The following TIAM1 variants were observed in gnomAD, a reference collection of about 807,000 sequenced individuals.
TIAM1 encodes the protein TIAM Rac1 associated GEF 1.
A neutral mutation model predicts 163.5 loss-of-function variants in TIAM1; 65 were observed. The observed-to-expected ratio is 0.40, with a 90% CI of 0.33 to 0.49. The LOEUF is 0.49. TIAM1 is among the 20% of genes least tolerant of loss of function. The probability of loss-of-function intolerance (pLI) is 0.77; values close to 1 mark genes in which losing one functional copy is unlikely to be tolerated. For missense variants in TIAM1, 1,789 were observed against 2,044.7 expected, an observed-to-expected ratio of 0.87 and a Z score of 2.41; for synonymous variants, 833 against 810.1, an observed-to-expected ratio of 1.03 and a Z score of -0.48.
intron 2 of TIAM1, among the ~76,000 whole-genome samples, chr21:31,442,893 C>T (rs1005423883): frequency 2.6e-5 from 4 of 152,216 alleles, no homozygotes; most frequent in African/African-American, 9.6e-5. Context: ...TGCACCAGGT[C>T]ACATATGCAA....
In TIAM1 at chr21:31,130,230, C is replaced by T. The variant is rs762661179; in HGVS notation, c.4028G>A (p.Arg1343Gln). Reference protein sequence around the residue: ...HMIPTEALQVRALASADAEAN... With the variant: ...HMIPTEALQVQALASADAEAN... ...GAGTTTACCTGCACTCGCCAAAGCT[C>T]GAACCTGCAGCGCTTCCGTGGGGAT... Residue 1343 changes from arginine (R) to glutamine (Q), a missense_variant, in exon 25 of 28, where the codon CGA (arginine) becomes CAA (glutamine). Physicochemically the swap from Arg to Gln is conservative, Grantham distance 43 (BLOSUM62 1). This residue lies in a region of TIAM1 where 415 missense variants were observed against 439.2 expected (regional missense o/e 0.94). Transcript: ENST00000541036. 6.2e-6 allele frequency: 10 copies of T among 1,613,932 alleles called. No individual in the cohort carries two copies. The highest frequency in any genetic ancestry group is 3.3e-5 in the South Asian group (3 of 91,074).
intron 2 of TIAM1, among the ~76,000 whole-genome samples, chr21:31,338,213 A>G (rs780419541): frequency 1.3e-5 from 2 of 152,218 alleles, no homozygotes; most frequent in East Asian, 1.9e-4. Flanking sequence ...GGAACAAGTC[A>G]CGGCAAGATC....
intron 1 of TIAM1, among the ~76,000 whole-genome samples, chr21:31,504,828 G>T (rs1381746948): frequency 6.6e-6 from 1 of 151,946 alleles, no homozygotes; most frequent in Non-Finnish European, 1.5e-5. Flanking sequence ...CTAAAAAAAA[G>T]AAAAAACTTC....
intron 27 of TIAM1, among the ~76,000 whole-genome samples, chr21:31,121,873 G>A (rs1007104598): frequency 2.0e-5 from 3 of 152,154 alleles, no homozygotes; most frequent in Non-Finnish European, 2.9e-5. Flanking sequence ...CTTCTCCCTC[G>A]AGAGTGAAGC....
In TIAM1 at chr21:31,147,787, A is replaced by AATATATAT. The variant is rs373598678; in HGVS notation, c.3367-792_3367-785dup. 1.4e-3 allele frequency among the ~76,000 whole-genome samples: 189 copies of AATATATAT among 139,844 alleles called. 1 individual carries two copies. The highest frequency in any genetic ancestry group is 3.7e-3 in the Middle Eastern group (1 of 270). 91.7% of individuals were successfully genotyped at this position (139,844 alleles called of 152,430 possible). On this transcript the variant is annotated intron_variant, in intron 19 of 27. Coordinates refer to ENST00000541036, the MANE Select transcript of TIAM1 (RefSeq NM_001353694.2). ...ATATTATATTAATATATTATATTAAAATATATATATATATATATGGCCTCA... is the reference window on the plus strand; with the variant it reads ...ATATTATATTAATATATTATATTAAAATATATATATATATATATATATATATGGCCTCA...
intron 1 of TIAM1, among the ~76,000 whole-genome samples, chr21:31,537,953 A>G (rs1377238473): frequency 6.6e-6 from 1 of 152,214 alleles, no homozygotes; most frequent in Non-Finnish European, 1.5e-5. Context: ...TTACAAATGG[A>G]TGAATCTCAC....
chr21:31,252,960 C>A (rs1365633092), intron 4 of TIAM1, among the ~76,000 whole-genome samples: 5 of 152,246 alleles, frequency 3.3e-5, no homozygotes, highest in Non-Finnish European at 7.3e-5. Flanking sequence ...GGCCAAATGA[C>A]AGCTCGGGGC....
intron 2 of TIAM1, among the ~76,000 whole-genome samples, chr21:31,411,703 T>C (rs2147241259): frequency 6.6e-6 from 1 of 152,254 alleles, no homozygotes; most frequent in African/African-American, 2.4e-5. Context: ...CTCAAACTCC[T>C]GGCCTCAAGT....
At chr21:31,290,540 T>C (rs1468554847) in intron 2 of TIAM1, among the ~76,000 whole-genome samples, 1 of 149,844 alleles carries the variant, frequency 6.7e-6, no homozygotes, top group Non-Finnish European at 1.5e-5. Context: ...CCAGCTACTC[T>C]GGAGGCTGAG....
chr21:31,152,350 T>C (rs529741662), intron 19 of TIAM1, among the ~76,000 whole-genome samples: 1 of 152,314 alleles, frequency 6.6e-6, no homozygotes, highest in East Asian at 1.9e-4. Context: ...CCTATTCTAA[T>C]TCACTGATAG....
chr21:31,131,690 T>A (rs1157680909), intron 23 of TIAM1, among the ~76,000 whole-genome samples: 2 of 152,218 alleles, frequency 1.3e-5, no homozygotes, highest in African/African-American at 4.8e-5. Flanking sequence ...CTGCCTGTCC[T>A]TTGTTCTCTG....
chr21:31,404,138 ATTTG>A (rs1194913666), intron 2 of TIAM1, among the ~76,000 whole-genome samples: 2 of 152,246 alleles, frequency 1.3e-5, no homozygotes, highest in South Asian at 2.1e-4. Flanking sequence ...GAAAAACAAC[ATTTG>A]TTTATCATTC....
intron 27 of TIAM1, among the ~76,000 whole-genome samples, chr21:31,123,420 T>C (rs2082073211): frequency 1.3e-5 from 2 of 152,234 alleles, no homozygotes; most frequent in Admixed American, 1.3e-4. Context: ...TGAAAGACTC[T>C]TAGGATACAT....
chr21:31,448,921 C>T (rs567461582), intron 2 of TIAM1, among the ~76,000 whole-genome samples: 1 of 152,264 alleles, frequency 6.6e-6, no homozygotes, highest in Non-Finnish European at 1.5e-5. Flanking sequence ...TCAGTTTCCC[C>T]ATTTGCAACA....
chr21:31,401,964 C>T (rs866048028), intron 2 of TIAM1, among the ~76,000 whole-genome samples: 1 of 151,696 alleles, frequency 6.6e-6, no homozygotes, highest in South Asian at 2.1e-4. Flanking sequence ...CCTGTAATCC[C>T]AGCACTTTGG....
At chr21:31,448,938 A>G (rs1012345516) in intron 2 of TIAM1, among the ~76,000 whole-genome samples, 7 of 152,148 alleles carry the variant, frequency 4.6e-5, no homozygotes, top group African/African-American at 1.7e-4. Flanking sequence ...AACAGCAAAT[A>G]TAACAGTGCC....
chr21:31,169,306 T>C (rs1443171125), intron 15 of TIAM1, among the ~76,000 whole-genome samples: 1 of 147,914 alleles, frequency 6.8e-6, no homozygotes, highest in East Asian at 2.0e-4. Context: ...ATAATAATAA[T>C]AATAATAATA....
At chr21:31,456,006 C>T (rs1010543385) in intron 2 of TIAM1, among the ~76,000 whole-genome samples, 5 of 152,076 alleles carry the variant, frequency 3.3e-5, no homozygotes, top group African/African-American at 4.8e-5. Flanking sequence ...TGTTAATTTC[C>T]GGATATCAAC....
intron 14 of TIAM1, among the ~76,000 whole-genome samples, chr21:31,183,940 T>A (rs977332396): frequency 1.3e-5 from 2 of 150,546 alleles, no homozygotes; most frequent in East Asian, 2.0e-4. Flanking sequence ...CCAAATTTTT[T>A]AAAATTTTTA....
Sources: allele counts gnomAD v4.1 joint callset (sites outside exome capture counted in the v4.1 genomes callset), GRCh38; gene constraint gnomAD v4.1.1; regional missense constraint gnomAD v4.1.1; transcripts MANE v1.5; gene names NCBI Gene and HGNC (gene_info 2026-07-23, HGNC 2026-07-21).